Variants in KIF16B observed in about 807,000 individuals in gnomAD.
KIF16B encodes the protein kinesin-like protein KIF16B.
KIF16B carries 98 observed loss-of-function variants against 156.3 expected under a neutral mutation model. That is an observed-to-expected ratio of 0.63 (90% CI 0.53 to 0.74). The LOEUF is 0.74. KIF16B is among the 30% of genes least tolerant of loss of function. The pLI, the probability that KIF16B is intolerant of heterozygous loss-of-function variation, is 0.00. For synonymous variants in KIF16B, 564 were observed against 583.7 expected (o/e 0.97, Z 0.49); for missense variants, 1,421 against 1,606.5 (o/e 0.88, Z 1.97).
At chr20:16,358,405 C>T (rs933365199) in intron 22 of KIF16B, among the ~76,000 whole-genome samples, 1 of 152,170 alleles carries the variant, frequency 6.6e-6, no homozygotes, top group Non-Finnish European at 1.5e-5. Flanking sequence ...CATACTCTAA[C>T]TTTATCTGCT....
At chr20:16,487,621 C>T (rs1340106362) in intron 12 of KIF16B, among the ~76,000 whole-genome samples, 1 of 152,138 alleles carries the variant, frequency 6.6e-6, no homozygotes, top group Non-Finnish European at 1.5e-5. Flanking sequence ...CATGCCTCCC[C>T]ATGAAATTTA....
At chr20:16,489,732 G>C (rs554237351) in intron 12 of KIF16B, among the ~76,000 whole-genome samples, 3 of 148,210 alleles carry the variant, frequency 2.0e-5, no homozygotes, top group Non-Finnish European at 4.4e-5. Flanking sequence ...CAAACTTGAA[G>C]GTACAGACCC....
intron 1 of KIF16B, among the ~76,000 whole-genome samples, chr20:16,557,061 T>C (rs1053827999): frequency 6.6e-6 from 1 of 150,868 alleles, no homozygotes; most frequent in African/African-American, 2.4e-5. Context: ...GTATTTACCA[T>C]GAAAAATGTA....
At chr20:16,506,237 G>A in intron 7 of KIF16B, 47 bp from the exon 8 acceptor site, 1 of 1,444,408 alleles carries the variant, frequency 6.9e-7, no homozygotes, top group South Asian at 1.1e-5. Flanking sequence ...AAAGGGCCCT[G>A]ATGTTGTTGA....
intron 12 of KIF16B, among the ~76,000 whole-genome samples, chr20:16,450,582 C>T (rs1371326319): frequency 3.9e-5 from 6 of 152,210 alleles, no homozygotes; most frequent in East Asian, 1.9e-4. Flanking sequence ...CCACGTCCCA[C>T]GTGCCTTGTT....
intron 1 of KIF16B, among the ~76,000 whole-genome samples, chr20:16,551,073 G>C (rs2070633240): frequency 6.6e-6 from 1 of 151,134 alleles, no homozygotes; most frequent in Admixed American, 6.6e-5. Flanking sequence ...GACTGTCCAG[G>C]TTTTCTAATT....
At chr20:16,536,083 C>T (rs1171868098) in intron 1 of KIF16B, among the ~76,000 whole-genome samples, 8 of 152,132 alleles carry the variant, frequency 5.3e-5, no homozygotes, top group Non-Finnish European at 1.2e-4. Flanking sequence ...ATATTATCAA[C>T]GTAAGTGTCC....
At chr20:16,481,874 A>T (rs886359183) in intron 12 of KIF16B, among the ~76,000 whole-genome samples, 28 of 152,150 alleles carry the variant, frequency 1.8e-4, no homozygotes, top group African/African-American at 6.8e-4. Flanking sequence ...AATGGATGAC[A>T]TTACTGTAAT....
chr20:16,273,560 G>A, intron 25 of KIF16B, 149 bp from the exon 26 acceptor site: 1 of 636,770 alleles, frequency 1.6e-6, no homozygotes. Context: ...ACAGGGTGGT[G>A]CACTGAGGCA....
chr20:16,542,441 A>G (rs963647202), intron 1 of KIF16B, among the ~76,000 whole-genome samples: 2 of 152,260 alleles, frequency 1.3e-5, no homozygotes, highest in Admixed American at 6.5e-5. Flanking sequence ...GAAAAACAAA[A>G]TAATACTCTA....
intron 12 of KIF16B, among the ~76,000 whole-genome samples, chr20:16,483,272 C>T (rs1475666900): frequency 6.6e-6 from 1 of 152,176 alleles, no homozygotes; most frequent in Non-Finnish European, 1.5e-5. Context: ...CTCCATCCCA[C>T]CATCACTCTT....
chr20:16,483,075 A>G (rs1316837556), intron 12 of KIF16B, among the ~76,000 whole-genome samples: 3 of 152,180 alleles, frequency 2.0e-5, no homozygotes, highest in African/African-American at 7.2e-5. Flanking sequence ...GAGCTCAAAA[A>G]GTTGTTGGGA....
chr20:16,367,744 A>C lies in KIF16B; in HGVS notation c.3498+2842T>G, dbSNP rs777480790. On this transcript the variant is annotated intron_variant, in intron 22 of 25. Coordinates refer to ENST00000354981, the MANE Select transcript of KIF16B (RefSeq NM_024704.5). ...TTTCCAATCAAGAGAAAGCTGAACC[A>C]GATCTTGCTGGAGCAAGGGATGATT... 9 of 1,612,626 alleles carry C rather than the reference A, an allele frequency of 5.6e-6. No individual in the cohort carries two copies. The highest frequency in any genetic ancestry group is 5.9e-6 in the Non-Finnish European group (7 of 1,179,740).
At chr20:16,279,432 G>A (rs1173640193) in intron 25 of KIF16B, among the ~76,000 whole-genome samples, 1 of 152,150 alleles carries the variant, frequency 6.6e-6, no homozygotes, top group African/African-American at 2.4e-5. Flanking sequence ...CCAAGGCTAG[G>A]AGCGAATGAT....
At chr20:16,376,976 G>C (rs2064966204) in intron 19 of KIF16B, among the ~76,000 whole-genome samples, 1 of 152,192 alleles carries the variant, frequency 6.6e-6, no homozygotes, top group South Asian at 2.1e-4. Context: ...TGTTTTGCCT[G>C]AGGGAACTAC....
intron 17 of KIF16B, among the ~76,000 whole-genome samples, chr20:16,391,884 G>T (rs151324496): frequency 3.9e-5 from 6 of 152,188 alleles, no homozygotes; most frequent in Non-Finnish European, 7.4e-5. Flanking sequence ...CTTTCTGTAA[G>T]GCACAGAGTA....
intron 1 of KIF16B, among the ~76,000 whole-genome samples, chr20:16,543,958 T>C (rs2070302696): frequency 6.6e-6 from 1 of 152,206 alleles, no homozygotes; most frequent in Non-Finnish European, 1.5e-5. Flanking sequence ...AGAGCAAAGC[T>C]GGCACTCCTA....
chr20:16,290,416 G>A (rs1488044488), intron 25 of KIF16B, among the ~76,000 whole-genome samples: 1 of 152,200 alleles, frequency 6.6e-6, no homozygotes, highest in East Asian at 1.9e-4. Context: ...GGTAGTTTGT[G>A]TACTGAGGGC....
intron 22 of KIF16B, among the ~76,000 whole-genome samples, chr20:16,361,962 T>C (rs1254192138): frequency 6.6e-6 from 1 of 152,218 alleles, no homozygotes; most frequent in Non-Finnish European, 1.5e-5. Flanking sequence ...TATTAAGTGG[T>C]CATCATCTTT....
Sources: allele counts gnomAD v4.1 joint callset (sites outside exome capture counted in the v4.1 genomes callset), GRCh38; gene constraint gnomAD v4.1.1; transcripts MANE v1.5; gene names NCBI Gene and HGNC (gene_info 2026-07-23, HGNC 2026-07-21).